Variants in SLC22A14 observed in about 807,000 individuals in gnomAD.
SLC22A14 encodes organic cation transporter-like 4.
Under a neutral mutation model 53.9 loss-of-function variants are expected in SLC22A14, and 50 were observed. The observed-to-expected ratio is 0.93, with a 90% CI of 0.74 to 1.17. The LOEUF (loss-of-function observed/expected upper bound fraction) is 1.17. Ranked by LOEUF, SLC22A14 falls within the 50% of genes most tolerant of loss-of-function variation. The pLI is 0.00. For missense variants in SLC22A14, 671 were observed against 734.7 expected, an observed-to-expected ratio of 0.91 and a Z score of 1.00; for synonymous variants, 312 against 303.0, an observed-to-expected ratio of 1.03 and a Z score of -0.31.
chr3:38,313,841 C>T lies in SLC22A14; in HGVS notation c.1278C>T (p.Cys426=), dbSNP rs779440618. The T allele has an allele frequency of 6.2e-7, 1 of 1,614,052 alleles. No homozygotes were observed. Among genetic ancestry groups the T allele is most frequent in the South Asian group, 1.1e-5 (1 of 91,084 alleles). ...TCATGGAGGTGCCTGCCCGGCTGTG[C>T]TGCATCTTTCTCCTCCAGCAGATTG... ...PSIMEVPARL[C]CIFLLQQIGR... is the part of the protein sequence containing the mutation. The change falls in exon 8 of 11, where the codon TGC becomes TGT. Residue 426 remains cysteine, a synonymous_variant. Transcript: ENST00000448498.
chr3:38,308,035 A>G, intron 4 of SLC22A14: 1 of 397,722 alleles, frequency 2.5e-6, no homozygotes, highest in South Asian at 2.6e-5. Flanking sequence ...TCCCTCATAC[A>G]CCACACCTTC....
At chr3:38,288,085 A>T (rs1413725779) in intron 1 of SLC22A14, among the ~76,000 whole-genome samples, 5 of 152,176 alleles carry the variant, frequency 3.3e-5, no homozygotes, top group Non-Finnish European at 5.9e-5. Context: ...TACCTACTAC[A>T]TAATAACTCC....
intron 1 of SLC22A14, among the ~76,000 whole-genome samples, chr3:38,288,441 T>G (rs996193344): frequency 6.6e-5 from 10 of 152,218 alleles, no homozygotes; most frequent in African/African-American, 1.9e-4. Flanking sequence ...CTTTTGTGTA[T>G]GTACCCAGAA....
intron 4 of SLC22A14, 118 bp from the exon 5 acceptor site, chr3:38,308,836 A>C: frequency 3.4e-6 from 3 of 893,238 alleles, no homozygotes; most frequent in East Asian, 2.4e-5. Context: ...CGAGCAGAAG[A>C]AGCTTTGCCT....
chr3:38,316,570 C>T (rs1704628641), intron 10 of SLC22A14, 46 bp downstream of exon 10: 2 of 1,564,818 alleles, frequency 1.3e-6, no homozygotes, highest in African/African-American at 2.7e-5. Context: ...GGGCCTGGCT[C>T]TGAAGCCTTG....
Position 38,307,466 on chromosome 3 carries a change from AG to A in SLC22A14, c.621-97del. The A allele has an allele frequency of 1.3e-6, 2 of 1,557,114 alleles. No individual in the cohort carries two copies. Among genetic ancestry groups the A allele is most frequent in the South Asian group, 2.2e-5 (2 of 89,378 alleles). On this transcript the variant is annotated intron_variant, in intron 3 of 10. Coordinates refer to ENST00000448498, the MANE Select transcript of SLC22A14 (RefSeq NM_001320033.2). This position sits in a 1 kb window ranked among gnomAD's most constrained non-coding sequence, Gnocchi z 4.4. The stretch of plus-strand genomic sequence containing the variant: ...AGGGAGGTGAGGGTAGGGGTTCTCC[AG>A]GGACCCATGGATGGCTCAGGGCCTG...
At chr3:38,298,093 T>C (rs1442059030) in intron 1 of SLC22A14, among the ~76,000 whole-genome samples, 3 of 152,222 alleles carry the variant, frequency 2.0e-5, no homozygotes, top group Admixed American at 1.3e-4. Context: ...ATTTATTCTA[T>C]GGGTTATAAC....
intron 1 of SLC22A14, among the ~76,000 whole-genome samples, chr3:38,297,269 C>G (rs889275594): frequency 2.6e-5 from 4 of 152,198 alleles, no homozygotes; most frequent in Admixed American, 6.5e-5. Context: ...GTCACCTTCC[C>G]AGCTAGGCTT....
At chr3:38,308,721 C>T (rs916494299) in intron 4 of SLC22A14, among the ~76,000 whole-genome samples, 1 of 152,158 alleles carries the variant, frequency 6.6e-6, no homozygotes, top group Non-Finnish European at 1.5e-5. Context: ...CCAGGTGGAG[C>T]GGGATGGAAG....
At chr3:38,304,059 C>T (rs997642899) in intron 1 of SLC22A14, among the ~76,000 whole-genome samples, 7 of 151,840 alleles carry the variant, frequency 4.6e-5, no homozygotes, top group South Asian at 2.1e-4. Flanking sequence ...GGCGTGGTGG[C>T]GGGCACCTGT....
upstream of SLC22A14, among the ~76,000 whole-genome samples, chr3:38,279,213 C>T (rs1049707486): frequency 6.6e-6 from 1 of 152,218 alleles, no homozygotes; most frequent in Non-Finnish European, 1.5e-5. Context: ...CTCTATTTAG[C>T]TTCCTACTGT....
intron 10 of SLC22A14, 53 bp downstream of exon 10, chr3:38,316,577 CT>C (rs1271642521): frequency 1.3e-6 from 2 of 1,531,088 alleles, no homozygotes. Context: ...GCTCTGAAGC[CT>C]TGGCACAGAG....
In SLC22A14 at chr3:38,318,355, C is replaced by A; in HGVS notation, c.*106C>A. 3 of 1,118,710 alleles carry A rather than the reference C, an allele frequency of 2.7e-6. No individual in the cohort carries two copies. The highest frequency in any genetic ancestry group is 1.3e-5 in the South Asian group (1 of 79,034). The allele number at this position is 1,118,710 out of a possible 1,614,324, so 69.3% of individuals were successfully genotyped here. On this transcript the variant is annotated 3_prime_UTR_variant, in exon 11 of 11. Coordinates refer to ENST00000448498, the MANE Select transcript of SLC22A14 (RefSeq NM_001320033.2). ...AATTCAATAAAGAGGAAGCAAACAG[C>A]CAGGCTCCCTGAGGGCCAGGCCCCC...
intron 5 of SLC22A14, among the ~76,000 whole-genome samples, chr3:38,310,686 G>A (rs114232293): frequency 1.4e-3 from 206 of 152,208 alleles, no homozygotes; most frequent in African/African-American, 4.7e-3. Context: ...ATTTCCTAAT[G>A]CTCCCAGTGC....
chr3:38,304,348 T>G (rs1258392913), intron 1 of SLC22A14, among the ~76,000 whole-genome samples: 1 of 152,210 alleles, frequency 6.6e-6, no homozygotes, highest in East Asian at 1.9e-4. Context: ...ATCCACATTT[T>G]GAAAATATTC....
chr3:38,295,828 C>G (rs1704024935), intron 1 of SLC22A14, among the ~76,000 whole-genome samples: 1 of 151,926 alleles, frequency 6.6e-6, no homozygotes, highest in African/African-American at 2.4e-5. Flanking sequence ...CTCTCTTTCT[C>G]TCTCTCTTCT....
Position 38,306,476 on chromosome 3 carries a change from T to C in SLC22A14, c.450T>C (p.Asn150=). Residue 150 remains asparagine (N), a synonymous_variant, in exon 2 of 11, where the codon AAT becomes AAC. Transcript: ENST00000448498. ...NLDSIIQFGL[N]DTDTCQDGWI... ...ATTCTATCATCCAGTTTGGCCTCAA[T>C]GACACAGACACATGCCAAGATGGGT... 2 of 1,614,188 alleles carry C rather than the reference T, an allele frequency of 1.2e-6. No individual in the cohort carries two copies. The highest frequency in any genetic ancestry group is 1.6e-4 in the Middle Eastern group (1 of 6,062).
At chr3:38,296,778 A>G (rs191401984) in intron 1 of SLC22A14, among the ~76,000 whole-genome samples, 6 of 152,364 alleles carry the variant, frequency 3.9e-5, no homozygotes, top group East Asian at 1.9e-4. Flanking sequence ...GTTCAGCTCA[A>G]TTGGGATGAA....
chr3:38,279,156 G>A (rs1703620358), upstream of SLC22A14, among the ~76,000 whole-genome samples: 1 of 152,126 alleles, frequency 6.6e-6, no homozygotes, highest in Non-Finnish European at 1.5e-5. Context: ...CCAAACACAT[G>A]GATATTCCTC....
Sources: gnomAD v4.1 joint callset for allele counts (sites outside exome capture counted in the v4.1 genomes callset) on GRCh38, gnomAD v4.1.1 for gene constraint, Gnocchi (gnomAD v3.1) non-coding constraint, MANE v1.5 for transcripts, NCBI Gene and HGNC (gene_info 2026-07-23, HGNC 2026-07-21) for gene names.